METTL2A: variants seen among roughly 807,000 people sequenced by gnomAD.
The protein encoded by METTL2A is methyltransferase 2A, tRNA N3-cytidine.
In METTL2A, 45 loss-of-function variants were observed where a neutral mutation model predicts 49.4. That is an observed-to-expected ratio of 0.91 (90% CI 0.72 to 1.17). METTL2A has a LOEUF of 1.17. METTL2A is among the 50% of genes most tolerant of loss of function. The pLI is 0.00. For missense variants in METTL2A, 361 were observed against 462.2 expected, an observed-to-expected ratio of 0.78 and a Z score of 2.01; for synonymous variants, 118 against 167.5, an observed-to-expected ratio of 0.70 and a Z score of 2.28.
rs1247247107 is a variant in METTL2A, at chr17:62,450,608, T to G, written c.*1879T>G. On this transcript the variant is annotated 3_prime_UTR_variant, in exon 9 of 9. Coordinates refer to ENST00000311506, the MANE Select transcript of METTL2A (RefSeq NM_181725.4). Reference sequence around the variant, plus strand: ...GGGAGGCCGAGGTGGGCAGATCACTTGAGGTCAGGAGTTCCAGTCCAGCCT... The same window carrying G: ...GGGAGGCCGAGGTGGGCAGATCACTGGAGGTCAGGAGTTCCAGTCCAGCCT... The G allele has an allele frequency of 6.6e-6, 1 of 152,046 alleles. No individual in the cohort carries two copies. The allele number at this position is 152,046 out of a possible 1,614,324, so 9.4% of individuals were successfully genotyped here. A position where few individuals can be genotyped will look rare whatever the true frequency, so the allele number is the denominator to read the frequency against.
At chr17:62,429,986 A>AGCTCC (rs2070654153) in intron 4 of METTL2A, among the ~76,000 whole-genome samples, 1 of 152,168 alleles carries the variant, frequency 6.6e-6, no homozygotes, top group African/African-American at 2.4e-5. Context: ...GCTGTTTTTA[A>AGCTCC]ACCCCTTGTG....
intron 5 of METTL2A, among the ~76,000 whole-genome samples, chr17:62,438,896 T>G (rs1327581927): frequency 2.0e-5 from 3 of 151,926 alleles, no homozygotes; most frequent in African/African-American, 7.3e-5. Flanking sequence ...CACTGTGGCC[T>G]TGATCTCCTG....
chr17:62,446,513 A>G (rs1240492113), intron 7 of METTL2A, among the ~76,000 whole-genome samples: 1 of 152,016 alleles, frequency 6.6e-6, no homozygotes, highest in Non-Finnish European at 1.5e-5. Context: ...GGGTTTCACC[A>G]TGTTGGTCAG....
At chr17:62,431,151 C>A (rs1210194027) in intron 4 of METTL2A, among the ~76,000 whole-genome samples, 2 of 152,162 alleles carry the variant, frequency 1.3e-5, no homozygotes, top group African/African-American at 4.8e-5. Context: ...AGGTGTGAGC[C>A]ACTGCACCCA....
At chr17:62,444,690 C>T (rs2070757431) in intron 6 of METTL2A, 147 bp from the exon 7 acceptor site, 1 of 737,510 alleles carries the variant, frequency 1.4e-6, no homozygotes, top group Non-Finnish European at 2.2e-6. Context: ...TCCTTCAGTT[C>T]TAACTGAAGC....
In METTL2A at chr17:62,449,542, C is replaced by G. The variant is rs2070792148; in HGVS notation, c.*813C>G. The stretch of plus-strand genomic sequence containing the variant: ...CGTGGCCAACATGGTGAAACCCCGT[C>G]TCTACTAAAGATAAAAAAATTAGCT... On this transcript the variant is annotated 3_prime_UTR_variant, in exon 9 of 9. Coordinates refer to ENST00000311506, the MANE Select transcript of METTL2A (RefSeq NM_181725.4). 5.6e-6 allele frequency: 2 copies of G among 355,248 alleles called. No individual in the cohort carries two copies. Among genetic ancestry groups the G allele is most frequent in the South Asian group, 2.1e-5 (1 of 48,154 alleles). 22.0% of individuals were successfully genotyped at this position (355,248 alleles called of 1,614,324 possible). A position where few individuals can be genotyped will look rare whatever the true frequency, so the allele number is the denominator to read the frequency against.
In METTL2A at chr17:62,423,984, C is replaced by T; in HGVS notation, c.82C>T (p.Pro28Ser). The T allele has an allele frequency of 6.2e-7, 1 of 1,613,970 alleles. No individual in the cohort carries two copies. Among genetic ancestry groups the T allele is most frequent in the Non-Finnish European group, 8.5e-7 (1 of 1,180,002 alleles). ...QQFGSRFLRD[P>S]ARVFHHNAWD... is the part of the protein sequence containing the mutation. ...GTTCGGAAGCCGGTTCCTGAGAGAT[C>T]CGGCGCGCGTCTTCCACCACAATGC... Residue 28 changes from proline to serine, a missense_variant, in exon 1 of 9, where the codon CCG (proline) becomes TCG (serine). Physicochemically the swap from Pro to Ser is moderately conservative, Grantham distance 74. Coordinates refer to ENST00000311506, the MANE Select transcript of METTL2A (RefSeq NM_181725.4).
intron 5 of METTL2A, among the ~76,000 whole-genome samples, chr17:62,435,870 G>T (rs1394020332): frequency 6.6e-6 from 1 of 152,068 alleles, no homozygotes; most frequent in Non-Finnish European, 1.5e-5. Context: ...ACGTTGCCCA[G>T]GCTGGTCTCG....
intron 1 of METTL2A, 47 bp from the exon 2 acceptor site, chr17:62,424,172 C>T (rs558879855): frequency 6.8e-6 from 11 of 1,613,520 alleles, no homozygotes; most frequent in African/African-American, 6.7e-5. Flanking sequence ...TCACCCTGCC[C>T]GCAGCCAGGA....
intron 6 of METTL2A, among the ~76,000 whole-genome samples, chr17:62,443,354 G>A (rs1196884660): frequency 1.3e-5 from 2 of 152,110 alleles, no homozygotes; most frequent in Non-Finnish European, 2.9e-5. Context: ...CTGCAGCCTG[G>A]GTGACAGAGT....
intron 5 of METTL2A, among the ~76,000 whole-genome samples, chr17:62,440,337 T>C (rs561512675): frequency 2.3e-4 from 35 of 152,266 alleles, no homozygotes; most frequent in African/African-American, 7.5e-4. Flanking sequence ...TTACTTTCAA[T>C]AGCAAAAACC....
rs1375565928 is a variant in METTL2A at position 62,451,401 on chromosome 17, G to A, written c.*2672G>A. Among the ~76,000 whole-genome samples, 1 of 150,648 alleles carries A rather than the reference G, an allele frequency of 6.6e-6. No individual in the cohort carries two copies. Among genetic ancestry groups the A allele is most frequent in the Non-Finnish European group, 1.5e-5 (1 of 67,678 alleles). ...GACCTCAGGTGATCTGCCCGCCTTG[G>A]CCTCCCAAAGTGCTGGGATTACAGG... On this transcript the variant is annotated 3_prime_UTR_variant, in exon 9 of 9. Coordinates refer to ENST00000311506, the MANE Select transcript of METTL2A (RefSeq NM_181725.4).
intron 4 of METTL2A, among the ~76,000 whole-genome samples, chr17:62,434,677 GT>G (rs2070689154): frequency 6.6e-6 from 1 of 152,206 alleles, no homozygotes; most frequent in African/African-American, 2.4e-5. Context: ...GTGCTAGATA[GT>G]GAGGATACCA....
intron 4 of METTL2A, among the ~76,000 whole-genome samples, chr17:62,433,231 C>T (rs2070677963): frequency 6.6e-6 from 1 of 151,808 alleles, no homozygotes; most frequent in African/African-American, 2.4e-5. Context: ...GTCAGGAGTT[C>T]AAGCCCAGCC....
intron 5 of METTL2A, among the ~76,000 whole-genome samples, chr17:62,438,973 A>ATTTTTTT (rs1167283450): frequency 1.8e-4 from 17 of 93,546 alleles, no homozygotes; most frequent in South Asian, 7.1e-4. Context: ...CACTTGGCTA[A>ATTTTTTT]TTTTTTTTTT....
Position 62,451,360 on chromosome 17 carries a change from C to T in METTL2A, c.*2631C>T, listed in dbSNP as rs895375977. Among the ~76,000 whole-genome samples, 13 of 151,006 alleles carry T rather than the reference C, an allele frequency of 8.6e-5. No homozygotes were observed. Among genetic ancestry groups the T allele is most frequent in the Non-Finnish European group, 4.4e-5 (3 of 67,700 alleles). Reference sequence around the variant, plus strand: ...ACAGAGTTTCTCCATGTTGGTCAGGCTGATCTCGAACTCCCGACCTCAGGT... The same window carrying T: ...ACAGAGTTTCTCCATGTTGGTCAGGTTGATCTCGAACTCCCGACCTCAGGT... On this transcript the variant is annotated 3_prime_UTR_variant, in exon 9 of 9. Coordinates refer to ENST00000311506, the MANE Select transcript of METTL2A (RefSeq NM_181725.4).
At position 62,447,693 on chromosome 17, in the gene METTL2A, C is replaced by T. The variant is rs1348165931; in HGVS notation, c.917-8C>T. The T allele has an allele frequency of 2.5e-6, 4 of 1,613,904 alleles. No individual in the cohort carries two copies. In the Admixed American group the frequency reaches 5.0e-5, roughly 20 times the overall value. ...AGTGTCTCTGATTTTTAACACATCACTCTGCAGGTCAGTGTCTATCTGGAA... is the reference window on the plus strand; with the variant it reads ...AGTGTCTCTGATTTTTAACACATCATTCTGCAGGTCAGTGTCTATCTGGAA... On this transcript the variant is annotated splice_region_variant and splice_polypyrimidine_tract_variant and intron_variant, in intron 7 of 8. Transcript: ENST00000311506.
rs140061187 is a variant in METTL2A, at chr17:62,453,275, C to T, written c.*4546C>T. Among the ~76,000 whole-genome samples the T allele has an allele frequency of 4.6e-5, 7 of 152,296 alleles. No homozygotes were observed. Among genetic ancestry groups the T allele is most frequent in the Non-Finnish European group, 7.3e-5 (5 of 68,032 alleles). On this transcript the variant is annotated 3_prime_UTR_variant, in exon 9 of 9. Transcript: ENST00000311506. ...TGACTCTGCAAGGGACTTTGCATAACGTTTCATCCTCAGAATCGCTAATGA... is the reference window on the plus strand; with the variant it reads ...TGACTCTGCAAGGGACTTTGCATAATGTTTCATCCTCAGAATCGCTAATGA...
At chr17:62,439,178 A>C (rs1416471028) in intron 5 of METTL2A, among the ~76,000 whole-genome samples, 3 of 151,078 alleles carry the variant, frequency 2.0e-5, no homozygotes, top group African/African-American at 7.3e-5. Context: ...ACGGGGTTTC[A>C]CTGTGTTGGC....
Sources: allele counts gnomAD v4.1 joint callset (sites outside exome capture counted in the v4.1 genomes callset), GRCh38; gene constraint gnomAD v4.1.1; transcripts MANE v1.5; gene names NCBI Gene and HGNC (gene_info 2026-07-23, HGNC 2026-07-21).